The following PARPBP variants were observed in gnomAD, a reference collection of about 807,000 sequenced individuals.
The protein encoded by PARPBP is PARP1 binding protein.
In PARPBP, 52 loss-of-function variants were observed where a neutral mutation model predicts 50.0. The observed-to-expected ratio is 1.04, with a 90% CI of 0.83 to 1.31. The LOEUF (loss-of-function observed/expected upper bound fraction) is 1.31. PARPBP is among the 50% of genes most tolerant of loss of function. The pLI is 0.00. For missense variants in PARPBP, 697 were observed against 672.0 expected (o/e 1.04, Z -0.41); for synonymous variants, 244 against 232.1 (o/e 1.05, Z -0.47).
chr12:102,175,490 G>T lies in PARPBP; in HGVS notation c.829G>T (p.Gly277Trp). The change falls in exon 7 of 11, where the codon GGG becomes TGG. Residue 277 changes from glycine to tryptophan, a missense_variant. Coordinates refer to ENST00000327680, the MANE Select transcript of PARPBP (RefSeq NM_017915.5). ...TCTAATTTCTATTTTCAGCATTGCAGGGGGTCAAATACTGTCAGTGATAAA... is the reference window on the plus strand; with the variant it reads ...TCTAATTTCTATTTTCAGCATTGCATGGGGTCAAATACTGTCAGTGATAAA... The part of the protein sequence containing the change: ...LGEIPNPSIA[G>W]GQILSVIKMQ... 1 of 1,610,084 alleles carries T rather than the reference G, an allele frequency of 6.2e-7. No homozygotes were observed. Among genetic ancestry groups the T allele is most frequent in the South Asian group, 1.1e-5 (1 of 90,624 alleles).
At chr12:102,131,854 G>A (rs1205075839) in intron 2 of PARPBP, among the ~76,000 whole-genome samples, 1 of 152,194 alleles carries the variant, frequency 6.6e-6, no homozygotes, top group Non-Finnish European at 1.5e-5. Context: ...GGTGGGAGGA[G>A]GGAGAGGATC....
intron 6 of PARPBP, among the ~76,000 whole-genome samples, chr12:102,171,664 A>C (rs1888749369): frequency 6.6e-6 from 1 of 152,056 alleles, no homozygotes; most frequent in African/African-American, 2.4e-5. Flanking sequence ...CAGGAGATCG[A>C]GACCATCCTG....
chr12:102,122,892 G>T lies in PARPBP; in HGVS notation c.-3-994G>T, dbSNP rs375840739. On this transcript the variant is annotated intron_variant, in intron 1 of 10. Transcript: ENST00000327680. Reference sequence around the variant, plus strand: ...TTTGAAAAGTATCTCCACCAAGTTAGCTCCTAAATATTAGTTATTTTATTG... The same window carrying T: ...TTTGAAAAGTATCTCCACCAAGTTATCTCCTAAATATTAGTTATTTTATTG... Among the ~76,000 whole-genome samples, 17 of 152,306 alleles carry T rather than the reference G, an allele frequency of 1.1e-4. 1 individual carries two copies. Among genetic ancestry groups the T allele is most frequent in the Admixed American group, 2.0e-4 (3 of 15,304 alleles).
intron 2 of PARPBP, among the ~76,000 whole-genome samples, chr12:102,127,450 AT>A (rs1302251377): frequency 6.6e-6 from 1 of 152,090 alleles, no homozygotes. Context: ...AGAGAGTGCC[AT>A]TTTTTTATCC....
chr12:102,180,471 G>T (rs554920197), intron 8 of PARPBP, among the ~76,000 whole-genome samples: 1 of 152,166 alleles, frequency 6.6e-6, no homozygotes, highest in Non-Finnish European at 1.5e-5. Context: ...AGGAGGCCAA[G>T]ACAGGAGCAT....
At chr12:102,133,306 G>A (rs1483443429) in intron 2 of PARPBP, among the ~76,000 whole-genome samples, 1 of 152,072 alleles carries the variant, frequency 6.6e-6, no homozygotes, top group Admixed American at 6.5e-5. Flanking sequence ...CCTTTCTCAT[G>A]TTGAAGTATT....
chr12:102,196,322 A>C lies in PARPBP; in HGVS notation c.*31A>C, dbSNP rs753231956. ...TGTCTTATATGCTTTAGGTTTATGT[A>C]TCTATAAACCATTCACCAAAGACAT... On this transcript the variant is annotated 3_prime_UTR_variant, in exon 11 of 11. Transcript: ENST00000327680. The C allele has an allele frequency of 2.5e-5, 34 of 1,341,758 alleles. 1 individual carries two copies. The South Asian group carries it at 4.7e-4, about 19-fold the overall frequency. The allele number at this position is 1,341,758 out of a possible 1,614,324, so 83.1% of individuals were successfully genotyped here. A position where few individuals can be genotyped will look rare whatever the true frequency, so the allele number is the denominator to read the frequency against.
At chr12:102,141,815 C>T (rs1174855883) in intron 2 of PARPBP, among the ~76,000 whole-genome samples, 5 of 152,144 alleles carry the variant, frequency 3.3e-5, no homozygotes, top group Non-Finnish European at 5.9e-5. Flanking sequence ...ATATTGGCCC[C>T]CACTGTCTTC....
At chr12:102,180,047 G>A (rs1457702112) in intron 8 of PARPBP, among the ~76,000 whole-genome samples, 2 of 152,040 alleles carry the variant, frequency 1.3e-5, no homozygotes, top group Non-Finnish European at 2.9e-5. Context: ...GTCATTCAGT[G>A]TTGTCATCTA....
At chr12:102,193,743 A>G (rs1318710395) in intron 9 of PARPBP, among the ~76,000 whole-genome samples, 1 of 152,052 alleles carries the variant, frequency 6.6e-6, no homozygotes, top group Non-Finnish European at 1.5e-5. Flanking sequence ...TAGGATTAAT[A>G]AAGTCCAGAA....
At chr12:102,171,583 A>G (rs960031354) in intron 6 of PARPBP, among the ~76,000 whole-genome samples, 1 of 152,038 alleles carries the variant, frequency 6.6e-6, no homozygotes, top group African/African-American at 2.4e-5. Flanking sequence ...AAAATATTTC[A>G]TGGCCGGGCT....
chr12:102,173,928 G>A (rs1188326556), intron 6 of PARPBP, among the ~76,000 whole-genome samples: 2 of 144,278 alleles, frequency 1.4e-5, no homozygotes, highest in Non-Finnish European at 3.0e-5. Flanking sequence ...ATGCCATTGT[G>A]TAAGTAGACA....
At chr12:102,192,808 G>A (rs1019026341) in intron 9 of PARPBP, among the ~76,000 whole-genome samples, 19 of 151,690 alleles carry the variant, frequency 1.3e-4, no homozygotes, top group Admixed American at 1.1e-3. Flanking sequence ...TCTAGTATAC[G>A]CTGTGCTTGT....
intron 2 of PARPBP, 129 bp from the exon 3 acceptor site, chr12:102,148,101 C>G: frequency 2.0e-6 from 1 of 506,800 alleles, no homozygotes; most frequent in Non-Finnish European, 3.4e-6. Flanking sequence ...TGGGTGTTCT[C>G]TTCAAACCCA....
chr12:102,158,051 C>T (rs377694685), intron 4 of PARPBP, among the ~76,000 whole-genome samples: 4 of 130,024 alleles, frequency 3.1e-5, no homozygotes, highest in South Asian at 2.6e-4. Context: ...ACCTGGGAGG[C>T]GGGAGCTTGC....
chr12:102,133,889 A>G (rs1223448747), intron 2 of PARPBP, among the ~76,000 whole-genome samples: 1 of 152,160 alleles, frequency 6.6e-6, no homozygotes, highest in Non-Finnish European at 1.5e-5. Context: ...CGAAGAAGAA[A>G]TTAAAAGGAA....
chr12:102,181,483 T>C (rs1889819071), intron 8 of PARPBP, among the ~76,000 whole-genome samples: 1 of 152,206 alleles, frequency 6.6e-6, no homozygotes, highest in Admixed American at 6.5e-5. Context: ...AGTATGTTAT[T>C]GTACTAAATA....
intron 6 of PARPBP, among the ~76,000 whole-genome samples, chr12:102,173,962 AAAT>A (rs1031995649): frequency 8.1e-5 from 12 of 148,798 alleles, no homozygotes; most frequent in African/African-American, 2.2e-4. Flanking sequence ...TTTGTATTGC[AAAT>A]AATAATAATA....
At chr12:102,153,660 A>G (rs987931893) in intron 3 of PARPBP, among the ~76,000 whole-genome samples, 1 of 152,242 alleles carries the variant, frequency 6.6e-6, no homozygotes, top group Non-Finnish European at 1.5e-5. Context: ...TCTTTACTGC[A>G]GTTATGTGGT....
Sources: gnomAD v4.1 joint callset for allele counts (sites outside exome capture counted in the v4.1 genomes callset) on GRCh38, gnomAD v4.1.1 for gene constraint, MANE v1.5 for transcripts, NCBI Gene and HGNC (gene_info 2026-07-23, HGNC 2026-07-21) for gene names.